Variants in DNAH7 observed in about 807,000 individuals in gnomAD.
DNAH7 encodes the protein axonemal beta dynein heavy chain 7.
A neutral mutation model predicts 444.6 loss-of-function variants in DNAH7; 397 were observed. The observed-to-expected ratio is 0.89, with a 90% CI of 0.82 to 0.97. The LOEUF is 0.97. Among genes scored for constraint, DNAH7 ranks in the 50% least tolerant of loss-of-function variants. The probability of loss-of-function intolerance (pLI) is 0.00; values close to 1 mark genes in which losing one functional copy is unlikely to be tolerated. For synonymous variants in DNAH7, 1,636 were observed against 1,624.4 expected, an observed-to-expected ratio of 1.01 and a Z score of -0.17; for missense variants, 4,902 against 4,800.8, an observed-to-expected ratio of 1.02 and a Z score of -0.62.
At chr2:195,995,946 G>A (rs1430141827) in intron 12 of DNAH7, among the ~76,000 whole-genome samples, 2 of 152,138 alleles carry the variant, frequency 1.3e-5, no homozygotes, top group Non-Finnish European at 2.9e-5. Context: ...TTGGTATTTT[G>A]ATAGAGATTG....
At position 195,865,056 on chromosome 2, in the gene DNAH7, T is replaced by C; in HGVS notation, c.6634-35A>G. 3 of 1,521,186 alleles carry C rather than the reference T, an allele frequency of 2.0e-6. No individual in the cohort carries two copies. The South Asian group carries it at 3.9e-5, about 20-fold the overall frequency. 94.2% of individuals were successfully genotyped at this position (1,521,186 alleles called of 1,614,324 possible). On this transcript the variant is annotated intron_variant, in intron 40 of 64. Coordinates refer to ENST00000312428, the MANE Select transcript of DNAH7 (RefSeq NM_018897.3). ...AATTAAAAAGCAGCTTTAGAAACTT[T>C]CTTCTGATTTTTAAGAAAGTGTTAT...
intron 34 of DNAH7, 30 bp from the exon 35 acceptor site, chr2:195,884,839 C>A (rs1282641387): frequency 1.9e-6 from 3 of 1,552,258 alleles, no homozygotes; most frequent in Admixed American, 3.5e-5. Flanking sequence ...AGATTAAGAA[C>A]AATTAAAGAA....
chr2:195,922,314 T>G, intron 23 of DNAH7, 117 bp from the exon 24 acceptor site: 2 of 612,234 alleles, frequency 3.3e-6, no homozygotes, highest in South Asian at 4.6e-5. Context: ...ACTTTTCAGG[T>G]GTCATTTGAT....
chr2:195,743,159 T>C (rs1209935723), intron 63 of DNAH7, among the ~76,000 whole-genome samples: 1 of 152,244 alleles, frequency 6.6e-6, no homozygotes, highest in African/African-American at 2.4e-5. Context: ...CTTTCGGACT[T>C]ACTCTAGTGG....
rs1311570500 is a variant in DNAH7 at position 196,038,047 on chromosome 2, G to A, written c.398+9305C>T. On this transcript the variant is annotated intron_variant, in intron 5 of 64. Transcript: ENST00000312428. The stretch of plus-strand genomic sequence containing the variant: ...GTGACATATAAGGGAATAGCCAACC[G>A]AAAAACAGCATACTTATCAGCAGAA... Among the ~76,000 whole-genome samples, 7 of 151,586 alleles carry A rather than the reference G, an allele frequency of 4.6e-5. No homozygotes were observed. In the East Asian group the frequency reaches 5.8e-4, roughly 13 times the overall value.
At chr2:195,878,016 GATT>G (rs1456844439) in intron 36 of DNAH7, among the ~76,000 whole-genome samples, 4 of 152,138 alleles carry the variant, frequency 2.6e-5, no homozygotes, top group Non-Finnish European at 5.9e-5. Flanking sequence ...GTAAGTGATA[GATT>G]ATTTCAAGAG....
At chr2:195,821,561 G>A (rs1240789601) in intron 49 of DNAH7, among the ~76,000 whole-genome samples, 1 of 152,200 alleles carries the variant, frequency 6.6e-6, no homozygotes, top group Non-Finnish European at 1.5e-5. Flanking sequence ...TTACCCACAA[G>A]ACCCAGGGCT....
rs2105874779 is a variant in DNAH7 at position 195,740,759 on chromosome 2, TACTA to T, written c.11868+3_11868+6del. 2.2e-6 allele frequency: 3 copies of T among 1,393,434 alleles called. No homozygotes were observed. The highest frequency in any genetic ancestry group is 2.8e-6 in the Non-Finnish European group (3 of 1,057,204). 86.3% of individuals were successfully genotyped at this position (1,393,434 alleles called of 1,614,324 possible). On this transcript the variant is annotated splice_donor_5th_base_variant and intron_variant, in intron 64 of 64. Transcript: ENST00000312428. ...TCCACATGTATATATAATTAGAATT[TACTA>T]ACCACAGGCACTGTATCATAAAGAA... is the stretch of plus-strand genomic sequence containing the variant.
At chr2:195,783,382 G>A (rs1695478739) in intron 58 of DNAH7, among the ~76,000 whole-genome samples, 1 of 152,020 alleles carries the variant, frequency 6.6e-6, no homozygotes, top group Non-Finnish European at 1.5e-5. Flanking sequence ...TGAAATCAAG[G>A]GACTGGCAGG....
Position 196,048,318 on chromosome 2 carries a change from A to C in DNAH7, c.228T>G (p.Ser76Arg). The change falls in exon 4 of 65, where the codon AGT becomes AGG. Residue 76 changes from serine to arginine, a missense_variant. By Grantham distance (110) the Ser-to-Arg change is moderately radical. Coordinates refer to ENST00000312428, the MANE Select transcript of DNAH7 (RefSeq NM_018897.3). The stretch of plus-strand genomic sequence containing the variant: ...TACCATGGGACTGTTCATTTTTAAC[A>C]CTAAATGGTTCTGGACTCTCATCAT... Reference protein sequence around the residue: ...KQDDESPEPFSVKNEQSHAEY... With the variant: ...KQDDESPEPFRVKNEQSHAEY... The C allele has an allele frequency of 6.2e-7, 1 of 1,613,708 alleles. No homozygotes were observed. Among genetic ancestry groups the C allele is most frequent in the Non-Finnish European group, 8.5e-7 (1 of 1,179,746 alleles).
intron 16 of DNAH7, among the ~76,000 whole-genome samples, chr2:195,971,035 G>A (rs2125571455): frequency 6.6e-6 from 1 of 152,246 alleles, no homozygotes; most frequent in East Asian, 1.9e-4. Flanking sequence ...TACTACTCAT[G>A]ATGTTTTCTG....
At chr2:195,949,907 C>A (rs957993378) in intron 19 of DNAH7, among the ~76,000 whole-genome samples, 1 of 152,054 alleles carries the variant, frequency 6.6e-6, no homozygotes, top group African/African-American at 2.4e-5. Context: ...ATTACGTTTA[C>A]TGATTTGTAT....
At chr2:195,742,676 T>C (rs1176097597) in intron 63 of DNAH7, among the ~76,000 whole-genome samples, 1 of 152,228 alleles carries the variant, frequency 6.6e-6, no homozygotes, top group Non-Finnish European at 1.5e-5. Flanking sequence ...CCCTTTGCCA[T>C]CTGTGAGATG....
chr2:196,046,198 T>G (rs964949614), intron 5 of DNAH7, among the ~76,000 whole-genome samples: 2 of 152,300 alleles, frequency 1.3e-5, no homozygotes, highest in South Asian at 4.1e-4. Flanking sequence ...TAGACAGGCA[T>G]GGCCATCCTA....
intron 25 of DNAH7, among the ~76,000 whole-genome samples, chr2:195,909,534 T>C (rs1305115375): frequency 6.6e-6 from 1 of 152,148 alleles, no homozygotes; most frequent in Non-Finnish European, 1.5e-5. Flanking sequence ...AATTAGCACA[T>C]GTAACCTGAA....
intron 1 of DNAH7, among the ~76,000 whole-genome samples, chr2:196,066,446 T>C (rs1284347243): frequency 2.6e-5 from 4 of 152,166 alleles, no homozygotes; most frequent in African/African-American, 4.8e-5. Flanking sequence ...ATTCCATAAC[T>C]AGAAAAAGTG....
Position 195,737,827 on chromosome 2 carries a change from T to C in DNAH7, c.*94A>G, listed in dbSNP as rs915807380. The C allele has an allele frequency of 2.7e-5, 32 of 1,171,424 alleles. No individual in the cohort carries two copies. Among genetic ancestry groups the C allele is most frequent in the Non-Finnish European group, 3.8e-5 (32 of 834,978 alleles). 72.6% of individuals were successfully genotyped at this position (1,171,424 alleles called of 1,614,324 possible). A position where few individuals can be genotyped will look rare whatever the true frequency, so the allele number is the denominator to read the frequency against. ...AATTATAACTTTAGTCAAATGTATT[T>C]AAACAAACAAAAAAAAAGGTTTAAG... On this transcript the variant is annotated 3_prime_UTR_variant, in exon 65 of 65. Transcript: ENST00000312428.
intron 27 of DNAH7, chr2:195,902,304 G>C (rs1362569057): frequency 6.6e-6 from 1 of 151,822 alleles, no homozygotes; most frequent in Non-Finnish European, 1.5e-5. Flanking sequence ...AGAATGGAAA[G>C]AATAAAATGT....
At chr2:196,004,803 C>T (rs1379993977) in intron 10 of DNAH7, among the ~76,000 whole-genome samples, 1 of 151,232 alleles carries the variant, frequency 6.6e-6, no homozygotes, top group South Asian at 2.1e-4. Context: ...CACACACACA[C>T]ACACACTCTT....
Sources: allele counts gnomAD v4.1 joint callset (sites outside exome capture counted in the v4.1 genomes callset), GRCh38; gene constraint gnomAD v4.1.1; transcripts MANE v1.5; gene names NCBI Gene and HGNC (gene_info 2026-07-23, HGNC 2026-07-21).